IMMP2L: variants seen among roughly 807,000 people sequenced by gnomAD.
IMMP2L encodes the protein mitochondrial inner membrane protease subunit 2.
In IMMP2L, 18 loss-of-function variants were observed where a neutral mutation model predicts 19.3. The observed-to-expected ratio is 0.93, with a 90% CI of 0.64 to 1.38. IMMP2L has a LOEUF of 1.38. Among genes scored for constraint, IMMP2L ranks in the 40% most tolerant of loss-of-function variants. IMMP2L has a pLI of 0.00. For missense variants in IMMP2L, 233 were observed against 218.2 expected, an observed-to-expected ratio of 1.07 and a Z score of -0.43; for synonymous variants, 76 against 73.0, an observed-to-expected ratio of 1.04 and a Z score of -0.21.
intron 5 of IMMP2L, among the ~76,000 whole-genome samples, chr7:110,796,351 G>A (rs1312579342): frequency 4.6e-5 from 7 of 152,158 alleles, no homozygotes; most frequent in Middle Eastern, 3.4e-3. Context: ...AAAGAAATGA[G>A]TTCAAGGCAG....
At chr7:111,325,543 T>G (rs998977564) in intron 3 of IMMP2L, among the ~76,000 whole-genome samples, 2 of 151,748 alleles carry the variant, frequency 1.3e-5, no homozygotes, top group Admixed American at 1.3e-4. Flanking sequence ...CCAAAATATT[T>G]TTAATCTTTC....
intron 3 of IMMP2L, among the ~76,000 whole-genome samples, chr7:111,405,160 G>C (rs1833805037): frequency 6.6e-6 from 1 of 152,006 alleles, no homozygotes; most frequent in African/African-American, 2.4e-5. Flanking sequence ...CTCATTTTTA[G>C]TTACTTACTA....
intron 5 of IMMP2L, among the ~76,000 whole-genome samples, chr7:110,682,640 A>C (rs7786068): frequency 0.22 from 32,863 of 152,034 alleles, 4,191 homozygotes; most frequent in African/African-American, 0.34. Flanking sequence ...ATCACAGTAC[A>C]AGGAGCAGAT....
At chr7:111,445,351 T>C (rs1455019160) in intron 3 of IMMP2L, among the ~76,000 whole-genome samples, 1 of 151,950 alleles carries the variant, frequency 6.6e-6, no homozygotes, top group Admixed American at 6.6e-5. Context: ...CTTACCATCT[T>C]TACTCCTTCC....
intron 5 of IMMP2L, among the ~76,000 whole-genome samples, chr7:110,730,679 C>T (rs565744332): frequency 2.0e-4 from 31 of 152,268 alleles, no homozygotes; most frequent in East Asian, 1.9e-3. Flanking sequence ...CGCCAGCCAC[C>T]ACGCCCAGCT....
At chr7:110,851,544 T>C (rs772854619) in intron 5 of IMMP2L, among the ~76,000 whole-genome samples, 1 of 152,106 alleles carries the variant, frequency 6.6e-6, no homozygotes, top group Non-Finnish European at 1.5e-5. Context: ...TACTGAGCAG[T>C]GGTCAGCTCA....
At chr7:110,987,400 C>G (rs1005777560) in intron 3 of IMMP2L, among the ~76,000 whole-genome samples, 1 of 152,154 alleles carries the variant, frequency 6.6e-6, no homozygotes, top group African/African-American at 2.4e-5. Context: ...AACCACTTAT[C>G]TCTTTTGAAC....
chr7:111,462,019 A>T (rs1168185456), intron 3 of IMMP2L, among the ~76,000 whole-genome samples: 1 of 151,820 alleles, frequency 6.6e-6, no homozygotes, highest in Non-Finnish European at 1.5e-5. Flanking sequence ...AAAAACCTGG[A>T]TGTGTATGTA....
chr7:110,911,267 A>G (rs1813029770), intron 4 of IMMP2L, among the ~76,000 whole-genome samples: 1 of 152,146 alleles, frequency 6.6e-6, no homozygotes, highest in Non-Finnish European at 1.5e-5. Flanking sequence ...CTGAAAGACA[A>G]AAGTTACAAA....
chr7:111,016,902 T>C (rs1825745982), intron 3 of IMMP2L, among the ~76,000 whole-genome samples: 1 of 90,402 alleles, frequency 1.1e-5, no homozygotes, highest in Non-Finnish European at 1.9e-5. Context: ...ATATATATTA[T>C]ATATAATTAT....
chr7:110,975,356 A>G (rs1820583145), intron 3 of IMMP2L, among the ~76,000 whole-genome samples: 1 of 152,120 alleles, frequency 6.6e-6, no homozygotes, highest in South Asian at 2.1e-4. Flanking sequence ...TTCAAGTCAA[A>G]GACTCAGCTG....
intron 5 of IMMP2L, among the ~76,000 whole-genome samples, chr7:110,722,016 G>A (rs866812823): frequency 5.3e-5 from 8 of 152,180 alleles, no homozygotes; most frequent in Admixed American, 1.3e-4. Flanking sequence ...TAACTGGCAA[G>A]ACTGATGAAG....
At chr7:110,990,863 A>G (rs1296054594) in intron 3 of IMMP2L, among the ~76,000 whole-genome samples, 1 of 152,160 alleles carries the variant, frequency 6.6e-6, no homozygotes, top group Non-Finnish European at 1.5e-5. Flanking sequence ...TGGGCTATAA[A>G]CCCTCAACAA....
chr7:110,683,328 G>T (rs745581096), intron 5 of IMMP2L, among the ~76,000 whole-genome samples: 3 of 151,876 alleles, frequency 2.0e-5, no homozygotes, highest in Admixed American at 6.6e-5. Flanking sequence ...CTTTCAGAAG[G>T]GTAAATGCAA....
rs552616278 is a variant in IMMP2L, at chr7:111,140,378, T to C, written c.240-176813A>G. Among the ~76,000 whole-genome samples, 10 of 152,262 alleles carry C rather than the reference T, an allele frequency of 6.6e-5. No homozygotes were observed. In the Middle Eastern group the frequency reaches 0.01, roughly 155 times the overall value. On this transcript the variant is annotated intron_variant, in intron 3 of 5. Coordinates refer to ENST00000405709, the MANE Select transcript of IMMP2L (RefSeq NM_032549.4). ...GCAATGACCTGGCTAATATGAACCT[T>C]TGGACAAGATCATGTCTTCCTGAGC...
chr7:110,917,869 T>C (rs977061667), intron 4 of IMMP2L, among the ~76,000 whole-genome samples: 6 of 152,142 alleles, frequency 3.9e-5, no homozygotes, highest in African/African-American at 1.4e-4. Flanking sequence ...TATAAATTTA[T>C]GGGCAGAATG....
At chr7:111,286,445 C>T (rs967102590) in intron 3 of IMMP2L, among the ~76,000 whole-genome samples, 2 of 152,104 alleles carry the variant, frequency 1.3e-5, no homozygotes, top group African/African-American at 2.4e-5. Context: ...CACACTACCA[C>T]TCAGTAAAAG....
At chr7:111,089,719 G>A (rs949841128) in intron 3 of IMMP2L, among the ~76,000 whole-genome samples, 2 of 151,854 alleles carry the variant, frequency 1.3e-5, no homozygotes, top group African/African-American at 4.8e-5. Flanking sequence ...ATAAGTATTA[G>A]GTTAAATGAG....
rs529366497 is a variant in IMMP2L, at chr7:111,260,101, C to A, written c.239+227137G>T. Reference sequence around the variant, plus strand: ...GTTGTTTAAGTAGAAGAACTACACTCTAAAATGATTAAAAGTATAGCATAG... The same window carrying A: ...GTTGTTTAAGTAGAAGAACTACACTATAAAATGATTAAAAGTATAGCATAG... On this transcript the variant is annotated intron_variant, in intron 3 of 5. Transcript: ENST00000405709. 3.3e-5 allele frequency among the ~76,000 whole-genome samples: 5 copies of A among 152,262 alleles called. No individual in the cohort carries two copies. In the South Asian group the frequency reaches 1.0e-3, roughly 32 times the overall value.
Sources: gnomAD v4.1 joint callset for allele counts (sites outside exome capture counted in the v4.1 genomes callset) on GRCh38, gnomAD v4.1.1 for gene constraint, MANE v1.5 for transcripts, NCBI Gene and HGNC (gene_info 2026-07-23, HGNC 2026-07-21) for gene names.